ING5: variants seen among roughly 807,000 people sequenced by gnomAD.
The protein encoded by ING5 is inhibitor of growth protein 5.
A neutral mutation model predicts 37.4 loss-of-function variants in ING5; 17 were observed. That is an observed-to-expected ratio of 0.45 (90% CI 0.31 to 0.68). ING5 has a LOEUF of 0.68. Ranked by LOEUF, ING5 falls within the 30% of genes least tolerant of loss-of-function variation. The probability of loss-of-function intolerance (pLI) is 0.05; values close to 1 mark genes in which losing one functional copy is unlikely to be tolerated. For missense variants in ING5, 233 were observed against 311.9 expected (o/e 0.75, Z 1.91); for synonymous variants, 123 against 116.6 (o/e 1.06, Z -0.36).
intron 2 of ING5, among the ~76,000 whole-genome samples, chr2:241,691,473 G>T (rs1288468374): frequency 6.6e-6 from 1 of 151,886 alleles, no homozygotes; most frequent in Non-Finnish European, 1.5e-5. Context: ...AACTGAAGGA[G>T]CAGGAAAGCT....
chr2:241,706,328 A>G (rs2069909349), intron 2 of ING5, among the ~76,000 whole-genome samples: 3 of 152,078 alleles, frequency 2.0e-5, no homozygotes, highest in Admixed American at 2.0e-4. Flanking sequence ...AAAAAGGCAC[A>G]TAGGAAGGTA....
At position 241,708,683 on chromosome 2, in the gene ING5, G is replaced by C. The variant is rs577493148; in HGVS notation, c.110-533G>C. ...GCTGTAGTTTGCTCTTTTTGTTGCT[G>C]AGTAGCACTCTGTTGTCTGAAGGGA... is the stretch of plus-strand genomic sequence containing the variant. On this transcript the variant is annotated intron_variant, in intron 2 of 7. Coordinates refer to ENST00000313552, the MANE Select transcript of ING5 (RefSeq NM_032329.6). Among the ~76,000 whole-genome samples, 118 of 152,248 alleles carry C rather than the reference G, an allele frequency of 7.8e-4. No homozygotes were observed. In the Middle Eastern group the frequency reaches 0.014, roughly 18 times the overall value.
intron 2 of ING5, among the ~76,000 whole-genome samples, chr2:241,706,676 T>C (rs1559302410): frequency 6.6e-6 from 1 of 151,550 alleles, no homozygotes; most frequent in East Asian, 1.9e-4. Flanking sequence ...CTTGTAACAT[T>C]GCATGTCTGA....
upstream of ING5, among the ~76,000 whole-genome samples, chr2:241,699,882 AGAG>A (rs1273097827): frequency 6.6e-6 from 1 of 152,206 alleles, no homozygotes; most frequent in Non-Finnish European, 1.5e-5. Context: ...TGAAGTGGGA[AGAG>A]GAGTGACATG....
intron 3 of ING5, 97 bp from the exon 4 acceptor site, chr2:241,711,280 G>A (rs1383560890): frequency 1.3e-6 from 1 of 779,804 alleles, no homozygotes; most frequent in South Asian, 2.7e-5. Context: ...TCAATTAAAG[G>A]GCAAGAAGGT....
upstream of ING5, among the ~76,000 whole-genome samples, chr2:241,701,640 G>A (rs1034517436): frequency 9.7e-4 from 148 of 152,288 alleles, 1 homozygote; most frequent in Admixed American, 1.6e-3. Context: ...GCCTCGTGGC[G>A]GCCTGTCCGG....
upstream of ING5, among the ~76,000 whole-genome samples, chr2:241,698,161 C>CA (rs35508967): frequency 1.3e-5 from 2 of 150,020 alleles, no homozygotes; most frequent in Non-Finnish European, 3.0e-5. Flanking sequence ...AATAATGTAT[C>CA]GGGCCCGCCG....
At chr2:241,723,833 G>T in intron 7 of ING5, 11 of 1,578,916 alleles carry the variant, frequency 7.0e-6, no homozygotes, top group Non-Finnish European at 9.5e-6. Context: ...AACATCGGGA[G>T]ACCCCAACTC....
upstream of ING5, among the ~76,000 whole-genome samples, chr2:241,698,556 G>A (rs564008021): frequency 2.0e-5 from 3 of 148,968 alleles, no homozygotes; most frequent in East Asian, 5.9e-4. Context: ...TATATGAGAA[G>A]TCTACTTTCT....
intron 1 of ING5, 75 bp downstream of exon 1, chr2:241,702,177 C>A: frequency 2.2e-6 from 2 of 908,728 alleles, no homozygotes; most frequent in Non-Finnish European, 2.8e-6. Context: ...GCGCGCCGGG[C>A]ACCGCATGCA....
In ING5 at chr2:241,726,199, AG is replaced by A. The variant is rs1236309757; in HGVS notation, c.*1171del. The A allele has an allele frequency of 6.6e-6, 1 of 152,234 alleles. No homozygotes were observed. Among genetic ancestry groups the A allele is most frequent in the African/African-American group, 2.4e-5 (1 of 41,450 alleles). 9.4% of individuals were successfully genotyped at this position (152,234 alleles called of 1,614,324 possible). On this transcript the variant is annotated 3_prime_UTR_variant, in exon 8 of 8. Transcript: ENST00000313552. ...GAAGGAGAGGATTGCTGAGGAATGCAGGGACGCCTGTTTCTGTCCTCACACC... is the reference window on the plus strand; with the variant it reads ...GAAGGAGAGGATTGCTGAGGAATGCAGGACGCCTGTTTCTGTCCTCACACC...
intron 5 of ING5, among the ~76,000 whole-genome samples, chr2:241,715,523 C>T (rs550788351): frequency 7.6e-6 from 1 of 132,422 alleles, no homozygotes; most frequent in South Asian, 2.4e-4. Context: ...CACTCTGTTG[C>T]CCAGGCTTGA....
rs1389239029 is a variant in ING5 at position 241,728,003 on chromosome 2, C to T, written c.*2972C>T. 6.6e-6 allele frequency: 1 copy of T among 152,260 alleles called. No individual in the cohort carries two copies. Among genetic ancestry groups the T allele is most frequent in the Non-Finnish European group, 1.5e-5 (1 of 68,050 alleles). The allele number at this position is 152,260 out of a possible 1,614,324, so 9.4% of individuals were successfully genotyped here. ...CTGTGCTTAGTGTTTTTAATGTTTA[C>T]TTTTGCCACTTACAATAATATCACC... is the stretch of plus-strand genomic sequence containing the variant. On this transcript the variant is annotated 3_prime_UTR_variant, in exon 8 of 8. Transcript: ENST00000313552.
intron 7 of ING5, chr2:241,724,610 G>A (rs145806849): frequency 3.2e-4 from 79 of 250,606 alleles, no homozygotes; most frequent in East Asian, 9.8e-4. Context: ...CTGGGTTTCC[G>A]TGGGCCTGAG....
chr2:241,711,903 T>G (rs1308466874), intron 4 of ING5, 75 bp from the exon 5 acceptor site: 1 of 1,365,590 alleles, frequency 7.3e-7, no homozygotes, highest in African/African-American at 1.5e-5. Flanking sequence ...AGACCCCTTT[T>G]TAAAAACAAA....
At chr2:241,724,723 C>T in intron 7 of ING5, 1 of 531,042 alleles carries the variant, frequency 1.9e-6, no homozygotes, top group Non-Finnish European at 3.4e-6. Flanking sequence ...AAGGACCCAC[C>T]TGTTAAGGAG....
Position 241,704,792 on chromosome 2 carries a change from G to A in ING5, c.109+68G>A, listed in dbSNP as rs1009595888. 1.2e-4 allele frequency: 165 copies of A among 1,356,272 alleles called. No individual in the cohort carries two copies. The African/African-American group carries it at 1.3e-3, about 11-fold the overall frequency. 84.0% of individuals were successfully genotyped at this position (1,356,272 alleles called of 1,614,324 possible). A position where few individuals can be genotyped will look rare whatever the true frequency, so the allele number is the denominator to read the frequency against. On this transcript the variant is annotated intron_variant, in intron 2 of 7. Coordinates refer to ENST00000313552, the MANE Select transcript of ING5 (RefSeq NM_032329.6). ...AGGTGGGAGCCAGCAGCTCCTGAAG[G>A]CTGGGGGCAGAGGGTTTTGAGGGGA...
At chr2:241,711,203 C>T (rs1254566551) in intron 3 of ING5, among the ~76,000 whole-genome samples, 174 bp from the exon 4 acceptor site, 1 of 152,170 alleles carries the variant, frequency 6.6e-6, no homozygotes, top group Admixed American at 6.5e-5. Context: ...GCAGAAAAAG[C>T]ACAAGACCCT....
At chr2:241,696,285 G>A (rs1306759678) in intron 2 of ING5, among the ~76,000 whole-genome samples, 1 of 152,046 alleles carries the variant, frequency 6.6e-6, no homozygotes, top group Admixed American at 6.6e-5. Flanking sequence ...TAGCTACTCG[G>A]GAGGCCAAGG....
Sources: allele counts gnomAD v4.1 joint callset (sites outside exome capture counted in the v4.1 genomes callset), GRCh38; gene constraint gnomAD v4.1.1; transcripts MANE v1.5; gene names NCBI Gene and HGNC (gene_info 2026-07-23, HGNC 2026-07-21).